The following TYW1 variants were observed in gnomAD, a reference collection of about 807,000 sequenced individuals.
TYW1 encodes the protein tRNA-yW synthesizing protein 1 homolog, also known as S-adenosyl-L-methionine-dependent tRNA 4-demethylwyosine synthase TYW1.
TYW1 carries 46 observed loss-of-function variants against 96.2 expected under a neutral mutation model. That is an observed-to-expected ratio of 0.48 (90% CI 0.38 to 0.61). The LOEUF (loss-of-function observed/expected upper bound fraction) is 0.61, where lower values mean the gene tolerates loss of function less well. Ranked by LOEUF, TYW1 falls within the 20% of genes least tolerant of loss-of-function variation. The pLI is 0.00. For missense variants in TYW1, 684 were observed against 909.6 expected, an observed-to-expected ratio of 0.75 and a Z score of 3.19; for synonymous variants, 274 against 323.0, an observed-to-expected ratio of 0.85 and a Z score of 1.63.
chr7:67,037,778 G>C (rs566988131), intron 7 of TYW1, among the ~76,000 whole-genome samples: 2 of 151,872 alleles, frequency 1.3e-5, no homozygotes, highest in Non-Finnish European at 2.9e-5. Flanking sequence ...GACCAGCCTC[G>C]GCAACATAGC....
intron 13 of TYW1, among the ~76,000 whole-genome samples, chr7:67,159,144 C>T (rs541997487): frequency 1.4e-3 from 214 of 152,194 alleles, no homozygotes; most frequent in Middle Eastern, 3.4e-3. Context: ...AGTAATATAT[C>T]GTGATCCTTT....
chr7:67,124,885 A>C (rs566184033), intron 13 of TYW1, among the ~76,000 whole-genome samples: 41 of 152,006 alleles, frequency 2.7e-4, no homozygotes, highest in African/African-American at 8.4e-4. Flanking sequence ...CCCAGGCTGG[A>C]GTGCAATGGC....
At chr7:67,207,972 CG>C (rs1800867533) in intron 15 of TYW1, among the ~76,000 whole-genome samples, 1 of 152,094 alleles carries the variant, frequency 6.6e-6, no homozygotes, top group Non-Finnish European at 1.5e-5. Context: ...CCACCTGCCT[CG>C]GCCTCACAAA....
At chr7:67,159,359 G>A (rs531763459) in intron 13 of TYW1, among the ~76,000 whole-genome samples, 2 of 152,250 alleles carry the variant, frequency 1.3e-5, no homozygotes, top group African/African-American at 2.4e-5. Flanking sequence ...AGATATTTCC[G>A]AATTTGCCCT....
chr7:67,135,015 G>GGAGGCT (rs1026101428), intron 13 of TYW1, among the ~76,000 whole-genome samples: 1 of 150,844 alleles, frequency 6.6e-6, no homozygotes. Flanking sequence ...CACCTACTTA[G>GGAGGCT]GAGGCTGAGG....
chr7:67,074,654 A>G (rs1778353935), intron 10 of TYW1, among the ~76,000 whole-genome samples: 1 of 152,228 alleles, frequency 6.6e-6, no homozygotes, highest in African/African-American at 2.4e-5. Context: ...GAAAAGGTTC[A>G]TTAAAAATTG....
At chr7:67,111,680 C>G (rs561294119) in intron 12 of TYW1, among the ~76,000 whole-genome samples, 3 of 152,192 alleles carry the variant, frequency 2.0e-5, no homozygotes, top group South Asian at 2.1e-4. Context: ...AAATAATGAT[C>G]AAGAACTTCA....
chr7:67,130,623 C>A (rs967356139), intron 13 of TYW1, among the ~76,000 whole-genome samples: 3 of 151,740 alleles, frequency 2.0e-5, no homozygotes, highest in Non-Finnish European at 2.9e-5. Flanking sequence ...GGGATCATGC[C>A]CCTGCACTCC....
chr7:67,059,255 A>G (rs1420373730), intron 9 of TYW1, among the ~76,000 whole-genome samples: 3 of 149,514 alleles, frequency 2.0e-5, no homozygotes, highest in Admixed American at 1.3e-4. Flanking sequence ...GCCCGCCACC[A>G]CTCCCGGCTA....
chr7:67,236,047 G>T (rs1339196524), intron 15 of TYW1, among the ~76,000 whole-genome samples: 2 of 152,130 alleles, frequency 1.3e-5, no homozygotes, highest in African/African-American at 2.4e-5. Flanking sequence ...CCATTATAGT[G>T]TCTGCGGAAG....
chr7:67,016,932 A>G (rs942410142), intron 5 of TYW1, among the ~76,000 whole-genome samples: 22 of 151,312 alleles, frequency 1.5e-4, no homozygotes, highest in African/African-American at 5.1e-4. Flanking sequence ...GCCTCTCCCC[A>G]TATTTTCAAA....
At chr7:67,081,613 C>G (rs964522560) in intron 10 of TYW1, among the ~76,000 whole-genome samples, 1 of 151,716 alleles carries the variant, frequency 6.6e-6, no homozygotes, top group Non-Finnish European at 1.5e-5. Flanking sequence ...AATGGTGTCC[C>G]ATCATTCCTG....
At chr7:67,139,389 C>A (rs2949154) in intron 13 of TYW1, among the ~76,000 whole-genome samples, 8 of 152,106 alleles carry the variant, frequency 5.3e-5, no homozygotes, top group Non-Finnish European at 1.0e-4. Flanking sequence ...TTTCTAAAAT[C>A]GAGCAAGTAT....
intron 13 of TYW1, among the ~76,000 whole-genome samples, chr7:67,157,609 A>G (rs1165008995): frequency 6.6e-6 from 1 of 152,136 alleles, no homozygotes; most frequent in Non-Finnish European, 1.5e-5. Flanking sequence ...AATACATAAA[A>G]TTCATACATT....
intron 6 of TYW1, among the ~76,000 whole-genome samples, chr7:67,021,627 T>C (rs538274339): frequency 2.6e-5 from 4 of 152,318 alleles, no homozygotes; most frequent in African/African-American, 7.2e-5. Flanking sequence ...TGTCTCTTAC[T>C]GGATTGGAAT....
At chr7:67,140,848 C>CTAT (rs1280952807) in intron 13 of TYW1, among the ~76,000 whole-genome samples, 1 of 152,170 alleles carries the variant, frequency 6.6e-6, no homozygotes, top group Non-Finnish European at 1.5e-5. Context: ...AGCAAACTAT[C>CTAT]CATCAGTCAG....
intron 13 of TYW1, among the ~76,000 whole-genome samples, chr7:67,124,787 C>T (rs976641494): frequency 3.2e-4 from 48 of 152,016 alleles, no homozygotes; most frequent in Admixed American, 6.6e-5. Flanking sequence ...AGTCCAGATA[C>T]AGGTACTGAA....
At chr7:67,053,146 TCTTA>T (rs1239222739) in intron 8 of TYW1, among the ~76,000 whole-genome samples, 1 of 151,680 alleles carries the variant, frequency 6.6e-6, no homozygotes, top group Non-Finnish European at 1.5e-5. Flanking sequence ...GAGCTTTATA[TCTTA>T]CTTTTATGGC....
At chr7:67,044,201 T>A (rs922413059) in intron 7 of TYW1, among the ~76,000 whole-genome samples, 1 of 149,510 alleles carries the variant, frequency 6.7e-6, no homozygotes, top group African/African-American at 2.5e-5. Context: ...TAGGTGCAAG[T>A]GATTCTTCTG....
Sources: gnomAD v4.1 joint callset for allele counts (sites outside exome capture counted in the v4.1 genomes callset) on GRCh38, gnomAD v4.1.1 for gene constraint, MANE v1.5 for transcripts, NCBI Gene and HGNC (gene_info 2026-07-23, HGNC 2026-07-21) for gene names.